CRBN: variants seen among roughly 807,000 people sequenced by gnomAD.
CRBN encodes the protein cereblon, also known as protein cereblon.
Under a neutral mutation model 62.2 loss-of-function variants are expected in CRBN, and 53 were observed. The observed-to-expected ratio is 0.85, with a 90% CI of 0.68 to 1.07. The LOEUF (loss-of-function observed/expected upper bound fraction) is 1.07, where lower values mean the gene tolerates loss of function less well. Ranked by LOEUF, CRBN falls within the 50% of genes least tolerant of loss-of-function variation. The probability of loss-of-function intolerance (pLI) is 0.00; values close to 1 mark genes in which losing one functional copy is unlikely to be tolerated. For synonymous variants in CRBN, 208 were observed against 176.1 expected (o/e 1.18, Z -1.43); for missense variants, 616 against 531.1 (o/e 1.16, Z -1.57).
chr3:3,172,427 T>G (rs1050343714), intron 4 of CRBN: 1 of 307,220 alleles, frequency 3.3e-6, no homozygotes, highest in African/African-American at 2.2e-5. Flanking sequence ...CCTTCAATCC[T>G]AAAGAAGCCA....
chr3:3,157,347 C>T (rs150034561), intron 5 of CRBN, among the ~76,000 whole-genome samples: 9 of 152,214 alleles, frequency 5.9e-5, no homozygotes, highest in East Asian at 1.9e-4. Context: ...AACCTACATA[C>T]GTACAAATCT....
At chr3:3,167,903 C>T (rs1575094890) in intron 4 of CRBN, 110 bp from the exon 5 acceptor site, 6 of 1,010,160 alleles carry the variant, frequency 5.9e-6, no homozygotes, top group Admixed American at 2.0e-5. Flanking sequence ...CAAGTTTTAT[C>T]TTTTAAACAT....
At chr3:3,171,420 T>C (rs1707608943) in intron 4 of CRBN, among the ~76,000 whole-genome samples, 1 of 151,692 alleles carries the variant, frequency 6.6e-6, no homozygotes, top group Admixed American at 6.6e-5. Context: ...CATTCTTTCA[T>C]TCATTTATAT....
chr3:3,158,653 A>G (rs925139835), intron 5 of CRBN, among the ~76,000 whole-genome samples: 20 of 152,224 alleles, frequency 1.3e-4, no homozygotes, highest in African/African-American at 4.6e-4. Context: ...CATTTCTTGT[A>G]AGAATACTCT....
At chr3:3,174,758 T>A (rs1167897629) in intron 2 of CRBN, among the ~76,000 whole-genome samples, 3 of 152,262 alleles carry the variant, frequency 2.0e-5, no homozygotes, top group African/African-American at 7.2e-5. Flanking sequence ...GAAGAATTTC[T>A]AATCTTTTAT....
intron 8 of CRBN, chr3:3,153,757 A>T (rs972504554): frequency 1.6e-6 from 1 of 621,116 alleles, no homozygotes; most frequent in African/African-American, 1.8e-5. Flanking sequence ...TGCAGAAATC[A>T]AGTTATTTTT....
intron 5 of CRBN, 43 bp from the exon 6 acceptor site, chr3:3,156,324 A>G (rs1706891896): frequency 1.3e-6 from 2 of 1,532,470 alleles, no homozygotes; most frequent in East Asian, 2.3e-5. Context: ...CCCACAGAAT[A>G]AAGATTCTAA....
At chr3:3,177,692 G>A (rs1450562800) in intron 1 of CRBN, among the ~76,000 whole-genome samples, 1 of 152,136 alleles carries the variant, frequency 6.6e-6, no homozygotes, top group African/African-American at 2.4e-5. Context: ...CATTTTAACT[G>A]TTCTGACTCC....
At chr3:3,176,392 T>G (rs970104864) in intron 1 of CRBN, among the ~76,000 whole-genome samples, 2 of 152,146 alleles carry the variant, frequency 1.3e-5, no homozygotes, top group African/African-American at 4.8e-5. Flanking sequence ...GCAGGAAGAA[T>G]TTCACAGCAT....
rs117851444 is a variant in CRBN at position 3,164,464 on chromosome 3, G to C, written c.687+3170C>G. Among the ~76,000 whole-genome samples, 138 of 152,304 alleles carry C rather than the reference G, an allele frequency of 9.1e-4. 5 individuals carry two copies. In the East Asian group the frequency reaches 0.024, roughly 27 times the overall value. Reference sequence around the variant, plus strand: ...AGCCTAATCCAGAGAAAGTCCCTAAGTCTCCTTTCAGGGGCTAATAGCTGG... The same window carrying C: ...AGCCTAATCCAGAGAAAGTCCCTAACTCTCCTTTCAGGGGCTAATAGCTGG... On this transcript the variant is annotated intron_variant, in intron 5 of 10. Coordinates refer to ENST00000231948, the MANE Select transcript of CRBN (RefSeq NM_016302.4).
chr3:3,169,931 C>A (rs1407347601), intron 4 of CRBN, among the ~76,000 whole-genome samples: 1 of 151,782 alleles, frequency 6.6e-6, no homozygotes, highest in Non-Finnish European at 1.5e-5. Context: ...AAGATGCCCA[C>A]CCCCCCTCCG....
downstream of CRBN, chr3:3,149,918 T>C (rs989777515): frequency 6.6e-6 from 1 of 152,098 alleles, no homozygotes; most frequent in Non-Finnish European, 1.5e-5. Context: ...CACTAAACCC[T>C]TGAATATAAG....
rs373145132 is a variant in CRBN, at chr3:3,167,667, T to C, written c.654A>G (p.Gln218=). The change falls in exon 5 of 11, where the codon CAA becomes CAG. Residue 218 remains glutamine, a synonymous_variant. Transcript: ENST00000231948. ...FPSKPVSRED[Q]CSYKWWQKYQ... is the part of the protein sequence containing the mutation. ...ATTTCTGCCACCATTTATATGAACA[T>C]TGGTCTTCTCTTGAGACAGGTTTTG... is the stretch of plus-strand genomic sequence containing the variant. 5.1e-5 allele frequency: 83 copies of C among 1,613,394 alleles called. 2 individuals carry two copies. In the African/African-American group the frequency reaches 7.1e-4, roughly 14 times the overall value.
At chr3:3,178,023 A>C (rs967102468) in intron 1 of CRBN, among the ~76,000 whole-genome samples, 7 of 152,206 alleles carry the variant, frequency 4.6e-5, no homozygotes, top group Admixed American at 1.3e-4. Flanking sequence ...CAAACAAAAA[A>C]AAAACAAACA....
chr3:3,175,146 G>T lies in CRBN; in HGVS notation c.174+17C>A. Reference sequence around the variant, plus strand: ...AATGTATATCTATTATATTAGATCTGTCACTAAATTACATACTGTATGTGA... The same window carrying T: ...AATGTATATCTATTATATTAGATCTTTCACTAAATTACATACTGTATGTGA... On this transcript the variant is annotated intron_variant, in intron 2 of 10. Transcript: ENST00000231948. 6.8e-7 allele frequency: 1 copy of T among 1,463,920 alleles called. No individual in the cohort carries two copies. Among genetic ancestry groups the T allele is most frequent in the South Asian group, 1.1e-5 (1 of 87,788 alleles). 90.7% of individuals were successfully genotyped at this position (1,463,920 alleles called of 1,614,324 possible). A position where few individuals can be genotyped will look rare whatever the true frequency, so the allele number is the denominator to read the frequency against.
chr3:3,167,701 A>T lies in CRBN; in HGVS notation c.620T>A (p.Ile207Lys), dbSNP rs758464300. ...VQLESLNKCQ[I>K]FPSKPVSRED... ...TCTTGAGACAGGTTTTGAAGGAAAT[A>T]TCTGGCACTTATTGAGGGATTCTAA... The change falls in exon 5 of 11, where the codon ATA (isoleucine) becomes AAA (lysine). Residue 207 changes from isoleucine to lysine, a missense_variant. Transcript: ENST00000231948. The T allele has an allele frequency of 6.2e-7, 1 of 1,613,652 alleles. No homozygotes were observed. The highest frequency in any genetic ancestry group is 1.1e-5 in the South Asian group (1 of 91,064).
chr3:3,170,909 G>A (rs1402083690), intron 4 of CRBN, among the ~76,000 whole-genome samples: 8 of 152,072 alleles, frequency 5.3e-5, no homozygotes, highest in Non-Finnish European at 1.0e-4. Flanking sequence ...GGGTTCAAGC[G>A]ATTCTCCTGC....
At chr3:3,163,373 G>C (rs1368799122) in intron 5 of CRBN, among the ~76,000 whole-genome samples, 1 of 152,194 alleles carries the variant, frequency 6.6e-6, no homozygotes, top group African/African-American at 2.4e-5. Flanking sequence ...GAAAAATTCA[G>C]AGGATCTGAA....
Position 3,150,876 on chromosome 3 carries a change from G to GT in CRBN, c.1317dup (p.Leu440ThrfsTer14). ...TCTATCACATCTGTTTACAAGCAAA[G>GT]TATTACTTTGTCTGGACTTATTTCA... On this transcript the variant is annotated frameshift_variant, in exon 11 of 11. Coordinates refer to ENST00000231948, the MANE Select transcript of CRBN (RefSeq NM_016302.4). LOFTEE classifies it high-confidence loss of function. 6.2e-7 allele frequency: 1 copy of GT among 1,613,532 alleles called. No homozygotes were observed. Among genetic ancestry groups the GT allele is most frequent in the Non-Finnish European group, 8.5e-7 (1 of 1,179,672 alleles).
Sources: allele counts gnomAD v4.1 joint callset (sites outside exome capture counted in the v4.1 genomes callset), GRCh38; gene constraint gnomAD v4.1.1; transcripts MANE v1.5; gene names NCBI Gene and HGNC (gene_info 2026-07-23, HGNC 2026-07-21).